Variants in STX18 observed in about 807,000 individuals in gnomAD.
The protein encoded by STX18 is syntaxin 18.
In STX18, 40 loss-of-function variants were observed where a neutral mutation model predicts 50.1. That is an observed-to-expected ratio of 0.80 (90% CI 0.62 to 1.04). The LOEUF is 1.04. Among genes scored for constraint, STX18 ranks in the 50% least tolerant of loss-of-function variants. The pLI is 0.00. For synonymous variants in STX18, 158 were observed against 151.8 expected, an observed-to-expected ratio of 1.04 and a Z score of -0.30; for missense variants, 410 against 415.8, an observed-to-expected ratio of 0.99 and a Z score of 0.12.
At chr4:4,531,872 C>T (rs943785065) in intron 1 of STX18, among the ~76,000 whole-genome samples, 1 of 152,166 alleles carries the variant, frequency 6.6e-6, no homozygotes, top group Non-Finnish European at 1.5e-5. Flanking sequence ...AAACAAACTA[C>T]ATTTTTTGTC....
intron 7 of STX18, among the ~76,000 whole-genome samples, chr4:4,431,599 G>A (rs977205110): frequency 2.6e-5 from 4 of 152,102 alleles, no homozygotes; most frequent in African/African-American, 4.8e-5. Flanking sequence ...TCCCACATGC[G>A]TTTCTCTAGC....
At chr4:4,479,765 C>A (rs900329581) in intron 1 of STX18, among the ~76,000 whole-genome samples, 26 of 152,180 alleles carry the variant, frequency 1.7e-4, no homozygotes, top group Non-Finnish European at 3.5e-4. Flanking sequence ...GCAGTATGGT[C>A]CCTACATGAG....
intron 1 of STX18, among the ~76,000 whole-genome samples, chr4:4,477,374 C>A (rs1728237305): frequency 6.6e-6 from 1 of 152,258 alleles, no homozygotes; most frequent in Non-Finnish European, 1.5e-5. Flanking sequence ...TAAATCCCAA[C>A]AATCTCTGGC....
chr4:4,523,459 A>G (rs574808425), intron 1 of STX18, among the ~76,000 whole-genome samples: 2 of 152,266 alleles, frequency 1.3e-5, no homozygotes, highest in East Asian at 3.9e-4. Flanking sequence ...TATATTTACA[A>G]CTGCCTGGGA....
At chr4:4,507,027 T>G (rs1420223218) in intron 1 of STX18, 1 of 416,582 alleles carries the variant, frequency 2.4e-6, no homozygotes, top group African/African-American at 2.1e-5. Flanking sequence ...AAATAACACT[T>G]AAATTTTTAA....
Position 4,432,674 on chromosome 4 carries a change from G to A in STX18, c.702+2096C>T, listed in dbSNP as rs115765321. ...CCCAGGGCTGCAATGATGAGGCTGC[G>A]TGTGGACTCCAGTCAGACAGTACAC... On this transcript the variant is annotated intron_variant, in intron 7 of 10. Coordinates refer to ENST00000306200, the MANE Select transcript of STX18 (RefSeq NM_016930.4). Among the ~76,000 whole-genome samples, 1,082 of 152,366 alleles carry A rather than the reference G, an allele frequency of 7.1e-3. 18 individuals carry two copies. The highest frequency in any genetic ancestry group is 0.025 in the African/African-American group (1,033 of 41,598).
intron 7 of STX18, among the ~76,000 whole-genome samples, chr4:4,431,191 G>GAA (rs201846931): frequency 6.7e-6 from 1 of 149,760 alleles, no homozygotes; most frequent in East Asian, 1.9e-4. Flanking sequence ...AAGAAAGAAA[G>GAA]AAAAAAAAAG....
chr4:4,526,910 A>T (rs1445189213), intron 1 of STX18, among the ~76,000 whole-genome samples: 1 of 152,232 alleles, frequency 6.6e-6, no homozygotes, highest in Non-Finnish European at 1.5e-5. Flanking sequence ...AGTGAGATAT[A>T]TTCACAGATT....
At position 4,420,228 on chromosome 4, in the gene STX18, G is replaced by C; in HGVS notation, c.913-99C>G. 1 of 908,372 alleles carries C rather than the reference G, an allele frequency of 1.1e-6. No individual in the cohort carries two copies. The highest frequency in any genetic ancestry group is 2.6e-5 in the East Asian group (1 of 37,876). 56.3% of individuals were successfully genotyped at this position (908,372 alleles called of 1,614,324 possible). On this transcript the variant is annotated intron_variant, in intron 10 of 10. Transcript: ENST00000306200. The surrounding 1 kb of genome is among the most constrained non-coding windows in gnomAD (Gnocchi z 4.3). ...CTTCCCACGTGCTCTCCTGATCCTGGCTGTAACTATGGGTGTCGTTCCATC... is the reference window on the plus strand; with the variant it reads ...CTTCCCACGTGCTCTCCTGATCCTGCCTGTAACTATGGGTGTCGTTCCATC...
intron 5 of STX18, among the ~76,000 whole-genome samples, chr4:4,443,711 C>T (rs953166972): frequency 6.6e-6 from 1 of 152,000 alleles, no homozygotes; most frequent in African/African-American, 2.4e-5. Flanking sequence ...AGGTTTAACC[C>T]AGGAATACAA....
intron 5 of STX18, among the ~76,000 whole-genome samples, chr4:4,442,477 C>T (rs35277157): frequency 0.06 from 9,182 of 152,068 alleles, 292 homozygotes; most frequent in African/African-American, 0.088. Flanking sequence ...ATTAGCCGGG[C>T]GTGGTGGCAC....
chr4:4,438,549 T>G (rs758080721), intron 5 of STX18, 40 bp from the exon 6 acceptor site: 15 of 1,505,462 alleles, frequency 1.0e-5, no homozygotes, highest in Non-Finnish European at 9.2e-7. Flanking sequence ...TTTATTTCCA[T>G]AACAGGATTC....
chr4:4,466,305 G>A (rs1727619644), intron 2 of STX18, among the ~76,000 whole-genome samples: 2 of 152,120 alleles, frequency 1.3e-5, no homozygotes, highest in Admixed American at 6.5e-5. Context: ...AGTGTGAGTA[G>A]AGGCCTGGAG....
chr4:4,460,097 G>A (rs1195392171), intron 2 of STX18, among the ~76,000 whole-genome samples: 1 of 151,740 alleles, frequency 6.6e-6, no homozygotes, highest in African/African-American at 2.4e-5. Flanking sequence ...TTCCTTCCCC[G>A]TAAAGATACT....
intron 5 of STX18, among the ~76,000 whole-genome samples, chr4:4,454,262 T>C (rs1726947715): frequency 6.6e-6 from 1 of 152,232 alleles, no homozygotes; most frequent in South Asian, 2.1e-4. Context: ...ATTATTTCCC[T>C]CAAGGTCTTT....
chr4:4,529,123 G>A (rs550178561), intron 1 of STX18, among the ~76,000 whole-genome samples: 9 of 152,238 alleles, frequency 5.9e-5, no homozygotes, highest in Admixed American at 2.6e-4. Context: ...CAGCACTTTC[G>A]GAGGCTGAGA....
At chr4:4,494,275 C>T (rs1032378867) in intron 1 of STX18, among the ~76,000 whole-genome samples, 5 of 152,146 alleles carry the variant, frequency 3.3e-5, no homozygotes, top group Admixed American at 3.3e-4. Flanking sequence ...TGGTCAAGTT[C>T]CTTCTCCAGG....
intron 1 of STX18, among the ~76,000 whole-genome samples, chr4:4,537,500 A>T (rs1731397421): frequency 6.6e-6 from 1 of 152,152 alleles, no homozygotes; most frequent in Non-Finnish European, 1.5e-5. Flanking sequence ...TGACTACTGT[A>T]AGAGAGAGCA....
At chr4:4,462,091 A>G (rs1727410324) in intron 2 of STX18, 5 of 426,838 alleles carry the variant, frequency 1.2e-5, no homozygotes, top group Non-Finnish European at 2.4e-5. Context: ...GCTGACCTAG[A>G]TTTTACCAAT....
Sources: allele counts gnomAD v4.1 joint callset (sites outside exome capture counted in the v4.1 genomes callset), GRCh38; gene constraint gnomAD v4.1.1; non-coding constraint Gnocchi (gnomAD v3.1); transcripts MANE v1.5; gene names NCBI Gene and HGNC (gene_info 2026-07-23, HGNC 2026-07-21).